The following MIA2 variants were observed in gnomAD, a reference collection of about 807,000 sequenced individuals.
MIA2 encodes MIA SH3 domain ER export factor 2, also known as melanoma inhibitory activity protein 2.
MIA2 carries 127 observed loss-of-function variants against 167.8 expected under a neutral mutation model. The ratio of observed to expected loss-of-function variants is 0.76; its 90% CI spans 0.66 to 0.88. The LOEUF is 0.88. Ranked by LOEUF, MIA2 falls within the 40% of genes least tolerant of loss-of-function variation. The probability of loss-of-function intolerance (pLI) is 0.00; values close to 1 mark genes in which losing one functional copy is unlikely to be tolerated. For synonymous variants in MIA2, 552 were observed against 541.9 expected (o/e 1.02, Z -0.26); for missense variants, 1,690 against 1,624.7 (o/e 1.04, Z -0.69).
chr14:39,274,548 C>T (rs2057658335), intron 6 of MIA2, among the ~76,000 whole-genome samples: 1 of 150,584 alleles, frequency 6.6e-6, no homozygotes, highest in African/African-American at 2.4e-5. Context: ...ATCTCAGCCT[C>T]CCAAGTAGCT....
chr14:39,353,980 T>C (rs1244824192), downstream of MIA2, among the ~76,000 whole-genome samples: 7 of 152,282 alleles, frequency 4.6e-5, 1 homozygote, highest in South Asian at 1.2e-3. Flanking sequence ...GACATTTGGG[T>C]TGGTTCCAAG....
intron 23 of MIA2, among the ~76,000 whole-genome samples, chr14:39,365,632 C>A (rs1486509570): frequency 6.6e-6 from 1 of 150,618 alleles, no homozygotes; most frequent in African/African-American, 2.5e-5. Context: ...TTCTAGGATA[C>A]CTGGGTTTTT....
chr14:39,296,535 C>A (rs2152845973), intron 13 of MIA2, among the ~76,000 whole-genome samples: 1 of 151,704 alleles, frequency 6.6e-6, no homozygotes, highest in East Asian at 1.9e-4. Flanking sequence ...CCCGCCTCGG[C>A]CTCCCAAAGT....
At chr14:39,289,424 A>T (rs2060420076) in intron 9 of MIA2, among the ~76,000 whole-genome samples, 1 of 152,080 alleles carries the variant, frequency 6.6e-6, no homozygotes, top group African/African-American at 2.4e-5. Flanking sequence ...CATGTTGGCT[A>T]GGCTGTTCTT....
chr14:39,353,570 T>G (rs558282720), downstream of MIA2, among the ~76,000 whole-genome samples: 2 of 152,298 alleles, frequency 1.3e-5, no homozygotes, highest in East Asian at 3.9e-4. Flanking sequence ...ATATACCACA[T>G]TTTCTGTTTT....
chr14:39,236,415 A>C (rs1341399669), intron 1 of MIA2, among the ~76,000 whole-genome samples: 1 of 152,144 alleles, frequency 6.6e-6, no homozygotes, highest in Non-Finnish European at 1.5e-5. Context: ...GGGCTCCACT[A>C]GGGCTATGTG....
chr14:39,320,878 T>C, intron 23 of MIA2, 50 bp from the exon 24 acceptor site: 1 of 1,588,756 alleles, frequency 6.3e-7, no homozygotes, highest in African/African-American at 1.4e-5. Context: ...AACTCTGTAG[T>C]GTAGCTAAGT....
intron 13 of MIA2, among the ~76,000 whole-genome samples, chr14:39,297,666 CGT>C (rs71435638): frequency 0.01 from 1,465 of 140,146 alleles, 20 homozygotes; most frequent in African/African-American, 0.031. Flanking sequence ...TAGGGTTTTG[CGT>C]GTGTGTGTGT....
At chr14:39,254,930 GA>G (rs1450460194) in intron 6 of MIA2, among the ~76,000 whole-genome samples, 2 of 152,152 alleles carry the variant, frequency 1.3e-5, no homozygotes, top group Non-Finnish European at 2.9e-5. Flanking sequence ...ATGCAGCATG[GA>G]GAATTATAAG....
chr14:39,272,750 C>A (rs936359504), intron 6 of MIA2, among the ~76,000 whole-genome samples: 15 of 152,164 alleles, frequency 9.9e-5, no homozygotes, highest in Non-Finnish European at 1.9e-4. Flanking sequence ...GTGACAGACT[C>A]AGTCCCTGTT....
chr14:39,276,304 G>C (rs2057991214), intron 6 of MIA2: 1 of 152,244 alleles, frequency 6.6e-6, no homozygotes, highest in East Asian at 1.9e-4. Flanking sequence ...AGAAGATCAG[G>C]GTCTTTGGAG....
At chr14:39,257,324 C>T (rs1030009445) in intron 6 of MIA2, among the ~76,000 whole-genome samples, 1 of 152,116 alleles carries the variant, frequency 6.6e-6, no homozygotes, top group Non-Finnish European at 1.5e-5. Flanking sequence ...GCATTTATCC[C>T]TTTACCATTA....
chr14:39,343,934 C>G (rs973710750), intron 25 of MIA2, among the ~76,000 whole-genome samples: 1 of 152,192 alleles, frequency 6.6e-6, no homozygotes, highest in Non-Finnish European at 1.5e-5. Flanking sequence ...GCCTCTGACT[C>G]CATTTCTGAT....
At chr14:39,252,579 A>C (rs10131617) in intron 4 of MIA2, among the ~76,000 whole-genome samples, 169 bp from the exon 5 acceptor site, 30,457 of 152,124 alleles carry the variant, frequency 0.2, 3,424 homozygotes, top group East Asian at 0.5. Context: ...TCTTACTAGC[A>C]ATAGGAACTA....
intron 21 of MIA2, 24 bp downstream of exon 21, chr14:39,315,742 C>T (rs757205829): frequency 6.7e-7 from 1 of 1,484,256 alleles, no homozygotes; most frequent in East Asian, 2.3e-5. Flanking sequence ...TTCCTTAAGT[C>T]TCTTTTGTCA....
At chr14:39,356,807 G>GT (rs1055273128) in intron 23 of MIA2, among the ~76,000 whole-genome samples, 1 of 152,126 alleles carries the variant, frequency 6.6e-6, no homozygotes, top group African/African-American at 2.4e-5. Context: ...ATTTCGTTAT[G>GT]TACCCAGTAG....
chr14:39,297,909 G>C (rs566309113), intron 13 of MIA2, among the ~76,000 whole-genome samples: 3 of 151,858 alleles, frequency 2.0e-5, no homozygotes, highest in African/African-American at 7.3e-5. Context: ...CTACTTTTGG[G>C]TGTTCCTACC....
intron 24 of MIA2, among the ~76,000 whole-genome samples, chr14:39,321,520 G>C (rs1206552465): frequency 1.3e-5 from 2 of 151,862 alleles, no homozygotes; most frequent in Admixed American, 6.6e-5. Context: ...GTTTCACCAT[G>C]TTAGCCAGGA....
rs773063861 is a variant in MIA2 at position 39,237,033 on chromosome 14, G to T, written c.227G>T (p.Arg76Met). ...GTTTATGTTAAACTTGCAGGAGAAA[G>T]GGAAGATTTGTGGGCAGGAAGTGTA... ...ISVYVKLAGE[R>M]EDLWAGSKGK... is the part of the protein sequence containing the mutation. Residue 76 changes from arginine to methionine, a missense_variant, in exon 2 of 29, where the codon AGG becomes ATG. Arg to Met is a moderately conservative substitution (Grantham distance 91). Transcript: ENST00000640607. The T allele has an allele frequency of 4.3e-6, 7 of 1,613,996 alleles. No homozygotes were observed. The Middle Eastern group carries it at 8.3e-4, about 190-fold the overall frequency.
Sources: allele counts gnomAD v4.1 joint callset (sites outside exome capture counted in the v4.1 genomes callset), GRCh38; gene constraint gnomAD v4.1.1; transcripts MANE v1.5; gene names NCBI Gene and HGNC (gene_info 2026-07-23, HGNC 2026-07-21).